The following FBN1 variants were observed in gnomAD, a reference collection of about 807,000 sequenced individuals.
FBN1 encodes the protein fibrillin 1, also known as fibrillin-1.
Under a neutral mutation model 365.1 loss-of-function variants are expected in FBN1, and 29 were observed. That is an observed-to-expected ratio of 0.08 (90% CI 0.06 to 0.11). FBN1 has a LOEUF of 0.11. Ranked by LOEUF, FBN1 falls within the 10% of genes least tolerant of loss-of-function variation. FBN1 has a pLI of 1.00. For missense variants in FBN1, 2,476 were observed against 3,703.2 expected (o/e 0.67, Z 8.60); for synonymous variants, 1,210 against 1,270.5 (o/e 0.95, Z 1.01).
intron 36 of FBN1, 111 bp from the exon 37 acceptor site, chr15:48,468,645 T>A: frequency 3.0e-6 from 3 of 1,010,532 alleles, no homozygotes; most frequent in Non-Finnish European, 4.6e-6. Context: ...TTAAAGCTAC[T>A]AGTTATAACT....
Position 48,513,448 on chromosome 15 carries a change from C to G in FBN1, c.1588+101G>C, listed in dbSNP as rs972855848. The G allele has an allele frequency of 2.6e-6, 4 of 1,554,220 alleles. No homozygotes were observed. The Admixed American group carries it at 6.7e-5, about 26-fold the overall frequency. On this transcript the variant is annotated intron_variant, in intron 13 of 65. Coordinates refer to ENST00000316623, the MANE Select transcript of FBN1 (RefSeq NM_000138.5). ...AAAAAAGCCACGGGACTGTATTAGT[C>G]TCTTCCGGCATGGGTTATTTAAACT...
intron 2 of FBN1, among the ~76,000 whole-genome samples, chr15:48,627,563 C>T (rs755851039): frequency 3.9e-5 from 6 of 152,166 alleles, no homozygotes; most frequent in African/African-American, 1.4e-4. Context: ...CATCAGGACA[C>T]GCAGGCAACT....
At chr15:48,493,118 T>C (rs1597567631) in intron 23 of FBN1, among the ~76,000 whole-genome samples, 1 of 152,188 alleles carries the variant, frequency 6.6e-6, no homozygotes. Flanking sequence ...GGCTGTTCTG[T>C]CCATGCTTTG....
intron 40 of FBN1, 80 bp from the exon 41 acceptor site, chr15:48,464,101 A>G: frequency 7.4e-7 from 1 of 1,351,758 alleles, no homozygotes; most frequent in Non-Finnish European, 1.1e-6. Context: ...GAATGTTGAC[A>G]TTAGAGGAGA....
chr15:48,511,238 G>C (rs2141324644), intron 13 of FBN1, among the ~76,000 whole-genome samples: 1 of 152,314 alleles, frequency 6.6e-6, no homozygotes, highest in South Asian at 2.1e-4. Flanking sequence ...TTTCTGGGCA[G>C]ATCCTGCAGT....
chr15:48,610,200 G>A (rs1332853427), intron 4 of FBN1, among the ~76,000 whole-genome samples: 2 of 152,172 alleles, frequency 1.3e-5, no homozygotes, highest in Non-Finnish European at 2.9e-5. Context: ...TATTCATCTG[G>A]CATCACAGAA....
intron 6 of FBN1, among the ~76,000 whole-genome samples, chr15:48,589,609 CTTTTTTT>C (rs756647308): frequency 5.5e-5 from 6 of 108,718 alleles, no homozygotes; most frequent in Admixed American, 9.9e-5. Context: ...TTGTTACTTT[CTTTTTTT>C]TTTTTTTTTT....
intron 30 of FBN1, 98 bp downstream of exon 30, chr15:48,485,276 G>T (rs1208386704): frequency 1.4e-5 from 21 of 1,483,846 alleles, no homozygotes; most frequent in Non-Finnish European, 2.0e-5. Context: ...ACAAACAAGG[G>T]TTTGGACTCA....
Position 48,549,798 on chromosome 15 carries a change from GA to G in FBN1, c.539-11991del, listed in dbSNP as rs989941561. 2.5e-3 allele frequency among the ~76,000 whole-genome samples: 337 copies of G among 134,184 alleles called. 2 individuals carry two copies. The highest frequency in any genetic ancestry group is 1.8e-3 in the Non-Finnish European group (112 of 61,698). The allele number at this position is 134,184 out of a possible 152,430, so 88.0% of individuals were successfully genotyped here. The stretch of plus-strand genomic sequence containing the variant: ...TTTATATGTTCATTCTCAAAGAAAA[GA>G]AAAAAAAAAACTCTCCTAGTTAGTG... On this transcript the variant is annotated intron_variant, in intron 6 of 65. Transcript: ENST00000316623.
chr15:48,564,330 A>C (rs1017343870), intron 6 of FBN1, among the ~76,000 whole-genome samples: 2 of 152,188 alleles, frequency 1.3e-5, no homozygotes, highest in African/African-American at 4.8e-5. Flanking sequence ...CAACCAGATC[A>C]ATAAAACAAA....
intron 3 of FBN1, among the ~76,000 whole-genome samples, chr15:48,612,766 A>C (rs2044666747): frequency 6.6e-6 from 1 of 152,200 alleles, no homozygotes; most frequent in South Asian, 2.1e-4. Context: ...TAGTCTGTGT[A>C]GCCAGGCACA....
At chr15:48,563,902 T>G (rs2044241717) in intron 6 of FBN1, among the ~76,000 whole-genome samples, 1 of 152,174 alleles carries the variant, frequency 6.6e-6, no homozygotes, top group Admixed American at 6.5e-5. Context: ...CTTGATATAT[T>G]TCAAAAAATG....
At chr15:48,636,410 G>T (rs576232541) in intron 2 of FBN1, among the ~76,000 whole-genome samples, 1 of 152,100 alleles carries the variant, frequency 6.6e-6, no homozygotes, top group Admixed American at 6.6e-5. Context: ...GTTAGCCTAC[G>T]GTCAATATGT....
intron 2 of FBN1, among the ~76,000 whole-genome samples, chr15:48,637,339 C>T (rs780036643): frequency 2.0e-5 from 3 of 152,174 alleles, no homozygotes; most frequent in Non-Finnish European, 2.9e-5. Context: ...CCCGTCCTTG[C>T]CTTTCACAAC....
intron 2 of FBN1, among the ~76,000 whole-genome samples, chr15:48,631,262 T>C (rs1889984493): frequency 1.3e-5 from 2 of 152,276 alleles, no homozygotes; most frequent in South Asian, 4.2e-4. Context: ...TTGTAGTAAA[T>C]GAGCATTATG....
chr15:48,615,632 G>T (rs1422399921), intron 2 of FBN1, among the ~76,000 whole-genome samples: 1 of 152,148 alleles, frequency 6.6e-6, no homozygotes, highest in African/African-American at 2.4e-5. Context: ...AACAATTTGG[G>T]AGGAAAGGTG....
rs1337621397 is a variant in FBN1, at chr15:48,487,088, C to T, written c.3576G>A (p.Arg1192=). The T allele has an allele frequency of 6.2e-7, 1 of 1,611,732 alleles. No homozygotes were observed. Among genetic ancestry groups the T allele is most frequent in the South Asian group, 1.1e-5 (1 of 90,368 alleles). ...AAAAGAACTTACCAACACAAAATAG[C>T]CTATCGGGAGTTGAATGGTAGCCAG... ...CNPGYHSTPD[R]LFCVDIDECS... The change falls in exon 29 of 66, where the codon AGG becomes AGA. Residue 1192 remains arginine (R), a synonymous_variant. Transcript: ENST00000316623.
At chr15:48,472,458 TAAAAAAA>T in intron 35 of FBN1, 86 bp downstream of exon 35, 7 of 1,181,594 alleles carry the variant, frequency 5.9e-6, no homozygotes, top group African/African-American at 1.9e-5. Context: ...CACCTCAGTT[TAAAAAAA>T]AAAAAAAAAA....
Position 48,409,609 on chromosome 15 carries a change from C to A in FBN1, c.*1381G>T, listed in dbSNP as rs2042844432. ...AAAAGTTACAGCAATTGGATACAGT[C>A]TGGGATTATCCCTTTGTAATTAGAT... On this transcript the variant is annotated 3_prime_UTR_variant, in exon 66 of 66. Transcript: ENST00000316623. The A allele has an allele frequency of 6.6e-6, 1 of 152,096 alleles. No homozygotes were observed. The highest frequency in any genetic ancestry group is 2.4e-5 in the African/African-American group (1 of 41,410). 9.4% of individuals were successfully genotyped at this position (152,096 alleles called of 1,614,324 possible). A position where few individuals can be genotyped will look rare whatever the true frequency, so the allele number is the denominator to read the frequency against.
Sources: allele counts gnomAD v4.1 joint callset (sites outside exome capture counted in the v4.1 genomes callset), GRCh38; gene constraint gnomAD v4.1.1; transcripts MANE v1.5; gene names NCBI Gene and HGNC (gene_info 2026-07-23, HGNC 2026-07-21).